Variants in BPIFB1 observed in about 807,000 individuals in gnomAD.
The protein encoded by BPIFB1 is BPI fold containing family B member 1, also known as BPI fold-containing family B member 1.
Under a neutral mutation model 55.1 loss-of-function variants are expected in BPIFB1, and 34 were observed. The observed-to-expected ratio is 0.62, with a 90% confidence interval of 0.47 to 0.82. The LOEUF is 0.82. BPIFB1 is among the 40% of genes least tolerant of loss of function. The pLI is 0.00. For missense variants in BPIFB1, 532 were observed against 593.1 expected (o/e 0.90, Z 1.07); for synonymous variants, 236 against 245.3 (o/e 0.96, Z 0.35).
At chr20:33,298,072 A>G (rs1450270708) in intron 7 of BPIFB1, among the ~76,000 whole-genome samples, 4 of 152,158 alleles carry the variant, frequency 2.6e-5, no homozygotes, top group Admixed American at 2.0e-4. Context: ...ATGGATGGAC[A>G]GACAGAAGAT....
At chr20:33,290,309 A>T (rs1450861458) in intron 4 of BPIFB1, among the ~76,000 whole-genome samples, 1 of 152,130 alleles carries the variant, frequency 6.6e-6, no homozygotes, top group East Asian at 1.9e-4. Flanking sequence ...CAGAGGAGGG[A>T]TATGCTGTGC....
chr20:33,301,731 T>C (rs1980859615), intron 9 of BPIFB1, among the ~76,000 whole-genome samples: 2 of 152,200 alleles, frequency 1.3e-5, no homozygotes, highest in African/African-American at 4.8e-5. Flanking sequence ...TAGTGAGTAG[T>C]CCAGGGATGG....
At chr20:33,290,856 C>A in intron 4 of BPIFB1, 101 bp from the exon 5 acceptor site, 1 of 1,312,820 alleles carries the variant, frequency 7.6e-7, no homozygotes, top group Non-Finnish European at 1.0e-6. Context: ...GCAAAGGAGA[C>A]TGAGGAAGGA....
chr20:33,287,310 G>A lies in BPIFB1; in HGVS notation c.115+1122G>A, dbSNP rs759352824. 3.2e-4 allele frequency among the ~76,000 whole-genome samples: 48 copies of A among 152,244 alleles called. 1 individual carries two copies. Among genetic ancestry groups the A allele is most frequent in the Non-Finnish European group, 2.4e-4 (16 of 68,044 alleles). On this transcript the variant is annotated intron_variant, in intron 2 of 15. Transcript: ENST00000253354. ...AGGCAGGGAAGGAAAGGCATCCCAT[G>A]AGGGGTGCATGTCCAAGCCAGTTAC...
At chr20:33,301,100 G>A (rs900654387) in intron 8 of BPIFB1, 133 bp from the exon 9 acceptor site, 5 of 841,918 alleles carry the variant, frequency 5.9e-6, no homozygotes, top group African/African-American at 5.1e-5. Flanking sequence ...ACACACCTGA[G>A]CTCCAGGCTA....
intron 15 of BPIFB1, chr20:33,307,192 C>A (rs1379684696): frequency 1.6e-5 from 9 of 553,350 alleles, no homozygotes; most frequent in Non-Finnish European, 1.6e-5. Flanking sequence ...GGGGTCAGTA[C>A]ACTTTTTCCA....
intron 8 of BPIFB1, 73 bp downstream of exon 8, chr20:33,300,057 C>G: frequency 7.6e-7 from 1 of 1,311,602 alleles, no homozygotes; most frequent in South Asian, 1.2e-5. Flanking sequence ...AGTCAGATAG[C>G]ATGGGCCTGT....
chr20:33,300,845 C>G (rs886939112), intron 8 of BPIFB1, among the ~76,000 whole-genome samples: 1 of 152,330 alleles, frequency 6.6e-6, no homozygotes, highest in Non-Finnish European at 1.5e-5. Flanking sequence ...ACTTCGGCCT[C>G]CCAAAGTGCT....
intron 9 of BPIFB1, among the ~76,000 whole-genome samples, chr20:33,301,983 G>A (rs890123537): frequency 3.9e-5 from 6 of 152,142 alleles, no homozygotes; most frequent in African/African-American, 1.4e-4. Context: ...AGAACTTCAG[G>A]GCAGCTGACA....
At chr20:33,284,558 GC>G (rs557379000) in intron 1 of BPIFB1, among the ~76,000 whole-genome samples, 160 of 152,288 alleles carry the variant, frequency 1.1e-3, no homozygotes, top group African/African-American at 3.5e-3. Flanking sequence ...TCTCAGAAGA[GC>G]TCACACTGCT....
intron 1 of BPIFB1, among the ~76,000 whole-genome samples, chr20:33,284,885 T>TTCTC (rs757452927): frequency 6.8e-6 from 1 of 147,504 alleles, no homozygotes; most frequent in African/African-American, 2.4e-5. Context: ...CTCTCTCTCT[T>TTCTC]TCTCTCTCTC....
At chr20:33,307,186 T>C (rs1981059148) in intron 15 of BPIFB1, 199 bp downstream of exon 15, 2 of 562,188 alleles carry the variant, frequency 3.6e-6, no homozygotes, top group Non-Finnish European at 6.4e-6. Context: ...TAGCCTGGGG[T>C]CAGTACACTT....
At chr20:33,298,080 G>T (rs1980711670) in intron 7 of BPIFB1, among the ~76,000 whole-genome samples, 1 of 152,126 alleles carries the variant, frequency 6.6e-6, no homozygotes, top group Non-Finnish European at 1.5e-5. Context: ...ACAGACAGAA[G>T]ATGCTAAGAT....
At chr20:33,292,228 A>C (rs145900065) in intron 6 of BPIFB1, among the ~76,000 whole-genome samples, 8 of 152,322 alleles carry the variant, frequency 5.3e-5, no homozygotes, top group Admixed American at 1.3e-4. Context: ...CGTGCTGATA[A>C]ATTTTTAGCA....
intron 13 of BPIFB1, among the ~76,000 whole-genome samples, chr20:33,305,516 A>G (rs975296942): frequency 4.0e-5 from 6 of 151,688 alleles, no homozygotes; most frequent in African/African-American, 1.5e-4. Context: ...ACAGGGTTTC[A>G]CCATGTTAGC....
intron 5 of BPIFB1, among the ~76,000 whole-genome samples, chr20:33,291,573 A>G (rs1346811605): frequency 1.3e-5 from 2 of 152,242 alleles, no homozygotes; most frequent in Non-Finnish European, 2.9e-5. Context: ...AACAGCCATC[A>G]AGCACTCAGA....
intron 12 of BPIFB1, 129 bp from the exon 13 acceptor site, chr20:33,304,717 T>G: frequency 9.1e-7 from 1 of 1,097,268 alleles, no homozygotes; most frequent in Non-Finnish European, 1.4e-6. Context: ...ACGCAAGGGC[T>G]TCATGTGGTT....
Position 33,291,996 on chromosome 20 carries a change from G to C in BPIFB1, c.597+8G>C. Reference sequence around the variant, plus strand: ...AATCTAGTGAAAAACCAGGTGAGTGGAATCAGGGCCTCTCTGGCCTGTGGG... The same window carrying C: ...AATCTAGTGAAAAACCAGGTGAGTGCAATCAGGGCCTCTCTGGCCTGTGGG... On this transcript the variant is annotated splice_region_variant and intron_variant, in intron 6 of 15. Coordinates refer to ENST00000253354, the MANE Select transcript of BPIFB1 (RefSeq NM_033197.3). 6.2e-7 allele frequency: 1 copy of C among 1,613,884 alleles called. No homozygotes were observed. Among genetic ancestry groups the C allele is most frequent in the South Asian group, 1.1e-5 (1 of 91,088 alleles).
At chr20:33,304,577 C>T (rs73615642) in intron 12 of BPIFB1, among the ~76,000 whole-genome samples, 2,735 of 152,300 alleles carry the variant, frequency 0.018, 227 homozygotes, top group Admixed American at 0.14. Flanking sequence ...TTTGAAGGAG[C>T]TTGGGCCTCC....
Sources: allele counts gnomAD v4.1 joint callset (sites outside exome capture counted in the v4.1 genomes callset), GRCh38; gene constraint gnomAD v4.1.1; transcripts MANE v1.5; gene names NCBI Gene and HGNC (gene_info 2026-07-23, HGNC 2026-07-21).